Variants in SMAD4 observed in about 807,000 individuals in gnomAD.
SMAD4 encodes SMAD family member 4, also known as MAD homolog 4.
In SMAD4, 7 loss-of-function variants were observed where a neutral mutation model predicts 63.2. The ratio of observed to expected loss-of-function variants is 0.11; its 90% CI spans 0.06 to 0.21. The LOEUF (loss-of-function observed/expected upper bound fraction) is 0.21. SMAD4 is among the 10% of genes least tolerant of loss of function. The pLI, the probability that SMAD4 is intolerant of heterozygous loss-of-function variation, is 1.00. For missense variants in SMAD4, 312 were observed against 693.8 expected (o/e 0.45, Z 6.18); for synonymous variants, 215 against 235.4 (o/e 0.91, Z 0.79).
intron 1 of SMAD4, among the ~76,000 whole-genome samples, chr18:51,037,664 C>T (rs560755460): frequency 1.3e-5 from 2 of 152,318 alleles, no homozygotes; most frequent in South Asian, 4.1e-4. Flanking sequence ...CATTGAAGTA[C>T]AGTGTTCTTT....
At chr18:51,043,851 C>G (rs570425935) in intron 1 of SMAD4, among the ~76,000 whole-genome samples, 1 of 152,286 alleles carries the variant, frequency 6.6e-6, no homozygotes, top group African/African-American at 2.4e-5. Context: ...AAAATGACTT[C>G]AAAAGTGTCT....
chr18:51,034,669 G>T (rs1053791342), intron 1 of SMAD4, among the ~76,000 whole-genome samples: 3 of 152,140 alleles, frequency 2.0e-5, no homozygotes, highest in Admixed American at 1.3e-4. Flanking sequence ...AGCTGCTGCG[G>T]TAGCTGGGAC....
chr18:51,052,382 G>A (rs1214432996), intron 4 of SMAD4: 1 of 153,230 alleles, frequency 6.5e-6, no homozygotes, highest in Non-Finnish European at 1.5e-5. Flanking sequence ...CTTGCTATTA[G>A]ATATTTAAAC....
intron 5 of SMAD4, 150 bp from the exon 6 acceptor site, chr18:51,057,974 GT>G: frequency 1.1e-6 from 1 of 880,428 alleles, no homozygotes; most frequent in South Asian, 1.5e-5. Context: ...ATGACTGTAG[GT>G]TTTTTACCTG....
chr18:51,083,459 C>A lies in SMAD4; in HGVS notation c.*4992C>A, dbSNP rs1277061476. 4.5e-6 allele frequency: 1 copy of A among 222,630 alleles called. No homozygotes were observed. Among genetic ancestry groups the A allele is most frequent in the African/African-American group, 2.3e-5 (1 of 42,638 alleles). The allele number at this position is 222,630 out of a possible 1,614,324, so 13.8% of individuals were successfully genotyped here. On this transcript the variant is annotated 3_prime_UTR_variant, in exon 12 of 12. Coordinates refer to ENST00000342988, the MANE Select transcript of SMAD4 (RefSeq NM_005359.6). ...ATGAAACTTTTTGTCCTTTTTTTTTCTGTTTTTTTTTTTCTAATGTAGTAA... is the reference window on the plus strand; with the variant it reads ...ATGAAACTTTTTGTCCTTTTTTTTTATGTTTTTTTTTTTCTAATGTAGTAA...
At chr18:51,062,860 T>G (rs562930590) in intron 8 of SMAD4, among the ~76,000 whole-genome samples, 3 of 130,840 alleles carry the variant, frequency 2.3e-5, no homozygotes, top group African/African-American at 8.6e-5. Flanking sequence ...TGTTTTTTTT[T>G]TTTTTTTTTT....
chr18:51,076,538 A>G (rs1910474653), intron 10 of SMAD4, 100 bp from the exon 11 acceptor site: 2 of 933,592 alleles, frequency 2.1e-6, no homozygotes, highest in East Asian at 2.6e-5. Flanking sequence ...TTCATGTGAG[A>G]GGTATAATGA....
Position 51,082,259 on chromosome 18 carries a change from T to C in SMAD4, c.*3792T>C. On this transcript the variant is annotated 3_prime_UTR_variant, in exon 12 of 12. Transcript: ENST00000342988. ...AAGGCAGAATCCATCTTGTTGCAGA[T>C]AGCTATCTAAATAATCTCATATCCT... The C allele has an allele frequency of 8.7e-6, 2 of 229,580 alleles. No homozygotes were observed. Among genetic ancestry groups the C allele is most frequent in the Non-Finnish European group, 8.6e-6 (1 of 115,794 alleles). The allele number at this position is 229,580 out of a possible 1,614,324, so 14.2% of individuals were successfully genotyped here.
Position 51,079,155 on chromosome 18 carries a change from A to T in SMAD4, c.*688A>T, listed in dbSNP as rs956822760. 30 of 232,958 alleles carry T rather than the reference A, an allele frequency of 1.3e-4. No individual in the cohort carries two copies. The highest frequency in any genetic ancestry group is 5.7e-4 in the African/African-American group (26 of 45,460). The allele number at this position is 232,958 out of a possible 1,614,324, so 14.4% of individuals were successfully genotyped here. A position where few individuals can be genotyped will look rare whatever the true frequency, so the allele number is the denominator to read the frequency against. On this transcript the variant is annotated 3_prime_UTR_variant, in exon 12 of 12. Transcript: ENST00000342988. Reference sequence around the variant, plus strand: ...TCCCTTAAAATTACCAGACAAAAAAATTTAAAATTACGTTTGTTATTCCTA... The same window carrying T: ...TCCCTTAAAATTACCAGACAAAAAATTTTAAAATTACGTTTGTTATTCCTA...
rs184700048 is a variant in SMAD4, at chr18:51,074,165, G to A, written c.1309-2473G>A. Among the ~76,000 whole-genome samples the A allele has an allele frequency of 4.3e-3, 650 of 151,164 alleles. 2 individuals are homozygous for A. The highest frequency in any genetic ancestry group is 9.2e-3 in the Admixed American group (140 of 15,170). On this transcript the variant is annotated intron_variant, in intron 10 of 11. Coordinates refer to ENST00000342988, the MANE Select transcript of SMAD4 (RefSeq NM_005359.6). ...AAGGTAGGAGGATTGCTTGAGCGCA[G>A]GAGTAGTTCAAGATCAGCCTGGGCA...
In SMAD4 at chr18:51,059,857, T is replaced by C. The variant is rs1064795175; in HGVS notation, c.905-9T>C. ...AATAAAAATGGAATTTTTGTTGTCT[T>C]TTCTTTAGGGCCTGTTCACAATGAG... On this transcript the variant is annotated splice_polypyrimidine_tract_variant and intron_variant, in intron 7 of 11. Coordinates refer to ENST00000342988, the MANE Select transcript of SMAD4 (RefSeq NM_005359.6). The C allele has an allele frequency of 6.2e-7, 1 of 1,608,704 alleles. No homozygotes were observed. Among genetic ancestry groups the C allele is most frequent in the Non-Finnish European group, 8.5e-7 (1 of 1,175,984 alleles).
chr18:51,065,636 T>TA lies in SMAD4; in HGVS notation c.1139+36dup, dbSNP rs752240081. The TA allele has an allele frequency of 2.5e-5, 39 of 1,585,014 alleles. No homozygotes were observed. Among genetic ancestry groups the TA allele is most frequent in the Non-Finnish European group, 3.2e-5 (37 of 1,155,230 alleles). The stretch of plus-strand genomic sequence containing the variant: ...TGATTGTATAGTCAGATAGTTACTT[T>TA]AAAAAATTGAGCATAGTACATTGTC... On this transcript the variant is annotated intron_variant, in intron 9 of 11. Coordinates refer to ENST00000342988, the MANE Select transcript of SMAD4 (RefSeq NM_005359.6).
At chr18:51,032,610 CG>C (rs1304768373) in intron 1 of SMAD4, among the ~76,000 whole-genome samples, 2 of 152,072 alleles carry the variant, frequency 1.3e-5, no homozygotes, top group East Asian at 3.9e-4. Flanking sequence ...TCTTTCTCCC[CG>C]CAAATTAAGG....
At chr18:51,045,795 C>T (rs1414160483) in intron 1 of SMAD4, among the ~76,000 whole-genome samples, 1 of 151,886 alleles carries the variant, frequency 6.6e-6, no homozygotes, top group Non-Finnish European at 1.5e-5. Flanking sequence ...TTCCTCATTC[C>T]CCTTCCTCCC....
chr18:51,057,788 G>A (rs903146503), intron 5 of SMAD4, among the ~76,000 whole-genome samples: 1 of 152,230 alleles, frequency 6.6e-6, no homozygotes, highest in Non-Finnish European at 1.5e-5. Context: ...GGTGGATGGA[G>A]TGGCCAGGAT....
chr18:51,073,070 G>A (rs923471207), intron 10 of SMAD4, among the ~76,000 whole-genome samples: 2 of 151,946 alleles, frequency 1.3e-5, no homozygotes, highest in Admixed American at 6.6e-5. Flanking sequence ...ATCTGTGGAA[G>A]GGAGGTTTGC....
chr18:51,081,071 A>G lies in SMAD4; in HGVS notation c.*2604A>G, dbSNP rs1910601629. 1 of 212,974 alleles carries G rather than the reference A, an allele frequency of 4.7e-6. No homozygotes were observed. The allele number at this position is 212,974 out of a possible 1,614,324, so 13.2% of individuals were successfully genotyped here. On this transcript the variant is annotated 3_prime_UTR_variant, in exon 12 of 12. Transcript: ENST00000342988. ...AACATCTAGTATGTTATGATCAGCT[A>G]TTCCTGAGAGCTTGGTTGTTAATCT... is the stretch of plus-strand genomic sequence containing the variant.
intron 10 of SMAD4, among the ~76,000 whole-genome samples, chr18:51,073,805 A>G (rs1006016993): frequency 6.6e-6 from 1 of 152,102 alleles, no homozygotes; most frequent in African/African-American, 2.4e-5. Context: ...TGCTGGGATT[A>G]CAGGAGAGAG....
intron 10 of SMAD4, among the ~76,000 whole-genome samples, chr18:51,069,824 T>C (rs1910269928): frequency 6.6e-6 from 1 of 152,220 alleles, no homozygotes; most frequent in African/African-American, 2.4e-5. Flanking sequence ...AGAGTTTGGC[T>C]GTTGTCTCTC....
Sources: gnomAD v4.1 joint callset for allele counts (sites outside exome capture counted in the v4.1 genomes callset) on GRCh38, gnomAD v4.1.1 for gene constraint, MANE v1.5 for transcripts, NCBI Gene and HGNC (gene_info 2026-07-23, HGNC 2026-07-21) for gene names.